SOBP: variants seen among roughly 807,000 people sequenced by gnomAD.
SOBP encodes the protein sine oculis binding protein homolog.
A neutral mutation model predicts 53.6 loss-of-function variants in SOBP; 4 were observed. The ratio of observed to expected loss-of-function variants is 0.07; its 90% CI spans 0.04 to 0.17. SOBP has a LOEUF of 0.17. Among genes scored for constraint, SOBP ranks in the 10% least tolerant of loss-of-function variants. SOBP has a pLI of 1.00. For missense variants in SOBP, 1,088 were observed against 1,204.7 expected (o/e 0.90, Z 1.43); for synonymous variants, 584 against 522.6 (o/e 1.12, Z -1.60).
chr6:107,508,879 A>T (rs1783077269), intron 3 of SOBP, among the ~76,000 whole-genome samples: 1 of 152,194 alleles, frequency 6.6e-6, no homozygotes, highest in Non-Finnish European at 1.5e-5. Flanking sequence ...CCAGTGGCTT[A>T]GGGGAGGGGA....
chr6:107,507,289 GA>G (rs533636722), intron 3 of SOBP, among the ~76,000 whole-genome samples: 22 of 151,942 alleles, frequency 1.4e-4, no homozygotes, highest in Non-Finnish European at 2.8e-4. Flanking sequence ...AACATCATGA[GA>G]TTTTTTTTGA....
rs1562117608 is a variant in SOBP, at chr6:107,634,853, G to A, written c.2009G>A (p.Arg670His). The change falls in exon 6 of 7, where the codon CGC becomes CAC. Residue 670 changes from arginine (R) to histidine (H), a missense_variant. Arg to His is a conservative substitution (Grantham distance 29). Transcript: ENST00000317357. The surrounding 1 kb of genome is among the most constrained non-coding windows in gnomAD (Gnocchi z 4.5). ...HRARLHNVIH[R>H]ALHAHVKAER... ...GCCCGGCTGCACAACGTGATCCACC[G>A]CGCGCTGCACGCGCACGTCAAGGCG... The A allele has an allele frequency of 1.4e-6, 2 of 1,394,082 alleles. No homozygotes were observed. The highest frequency in any genetic ancestry group is 9.4e-7 in the Non-Finnish European group (1 of 1,069,276). The allele number at this position is 1,394,082 out of a possible 1,614,324, so 86.4% of individuals were successfully genotyped here. A position where few individuals can be genotyped will look rare whatever the true frequency, so the allele number is the denominator to read the frequency against.
At chr6:107,595,610 C>G (rs1785921929) in intron 5 of SOBP, among the ~76,000 whole-genome samples, 1 of 152,032 alleles carries the variant, frequency 6.6e-6, no homozygotes, top group Non-Finnish European at 1.5e-5. Context: ...CAAGCAAAAC[C>G]AGGAAATCAG....
rs1023674324 is a variant in SOBP at position 107,634,050 on chromosome 6, G to T, written c.1206G>T (p.Gln402His). The T allele has an allele frequency of 1.1e-5, 18 of 1,607,652 alleles. No individual in the cohort carries two copies. Among genetic ancestry groups the T allele is most frequent in the Non-Finnish European group, 1.5e-5 (18 of 1,176,578 alleles). ...PVPLPIFMEQ[Q>H]IMQQIRPPFI... ...CGCTGCCCATCTTCATGGAGCAGCA[G>T]ATCATGCAGCAGATCCGCCCGCCCT... The change falls in exon 6 of 7, where the codon CAG (glutamine) becomes CAT (histidine). Residue 402 changes from glutamine (Q) to histidine (H), a missense_variant. Around this residue, in one of 6 missense-constraint regions of SOBP, gnomAD observed 211 missense variants for 258.9 expected, o/e 0.82. Coordinates refer to ENST00000317357, the MANE Select transcript of SOBP (RefSeq NM_018013.4). This position sits in a 1 kb window ranked among gnomAD's most constrained non-coding sequence, Gnocchi z 4.5.
At chr6:107,543,313 G>T (rs757166659) in intron 4 of SOBP, among the ~76,000 whole-genome samples, 1 of 152,178 alleles carries the variant, frequency 6.6e-6, no homozygotes, top group Non-Finnish European at 1.5e-5. Flanking sequence ...TGGGACAGCT[G>T]CTAGCAGCAA....
chr6:107,500,037 T>C (rs1224184276), intron 1 of SOBP, among the ~76,000 whole-genome samples: 1 of 152,226 alleles, frequency 6.6e-6, no homozygotes, highest in Admixed American at 6.5e-5. Flanking sequence ...GTTGGAATTC[T>C]CTGCTAGAAA....
At chr6:107,619,669 C>T (rs1394287368) in intron 5 of SOBP, among the ~76,000 whole-genome samples, 1 of 152,118 alleles carries the variant, frequency 6.6e-6, no homozygotes, top group Admixed American at 6.5e-5. Flanking sequence ...TATTTCCTTT[C>T]TATGGAGACC....
chr6:107,535,632 TGTGTG>T (rs1464533920), intron 4 of SOBP, among the ~76,000 whole-genome samples: 34 of 148,490 alleles, frequency 2.3e-4, no homozygotes, highest in African/African-American at 6.2e-4. Flanking sequence ...TGTGTGTGTG[TGTGTG>T]TTTTTTTTTT....
In SOBP at chr6:107,659,565, C is replaced by T. The variant is rs1431635344; in HGVS notation, c.*1362C>T. The T allele has an allele frequency of 6.6e-6, 1 of 151,944 alleles. No individual in the cohort carries two copies. Among genetic ancestry groups the T allele is most frequent in the East Asian group, 1.9e-4 (1 of 5,160 alleles). The allele number at this position is 151,944 out of a possible 1,614,324, so 9.4% of individuals were successfully genotyped here. On this transcript the variant is annotated 3_prime_UTR_variant, in exon 7 of 7. Transcript: ENST00000317357. ...AAAAAAATCAAATCACCTTGTGATT[C>T]AGTGTATCTGTTTACTAACTCAAAT...
At chr6:107,498,598 T>C (rs2114937477) in intron 1 of SOBP, among the ~76,000 whole-genome samples, 1 of 152,052 alleles carries the variant, frequency 6.6e-6, no homozygotes, top group South Asian at 2.1e-4. Context: ...AAAAAAAAAA[T>C]CATGTAGGTT....
intron 1 of SOBP, among the ~76,000 whole-genome samples, chr6:107,498,912 A>C (rs1401206362): frequency 5.9e-5 from 9 of 152,210 alleles, no homozygotes; most frequent in Non-Finnish European, 1.2e-4. Context: ...ATGTAGTAGA[A>C]GTACAAAGCA....
intron 5 of SOBP, among the ~76,000 whole-genome samples, chr6:107,613,151 G>A (rs1252689170): frequency 6.6e-6 from 1 of 152,192 alleles, no homozygotes; most frequent in Non-Finnish European, 1.5e-5. Context: ...GAGACCAAGT[G>A]CTGTTTTTAA....
chr6:107,578,112 G>A (rs979923439), intron 4 of SOBP, among the ~76,000 whole-genome samples: 1 of 149,038 alleles, frequency 6.7e-6, no homozygotes, highest in African/African-American at 2.5e-5. Flanking sequence ...GTTCGTTTAA[G>A]TGTTGAAGAT....
rs1772232830 is a variant in SOBP at position 107,660,071 on chromosome 6, A to T, written c.*1868A>T. The T allele has an allele frequency of 6.6e-6, 1 of 152,610 alleles. No individual in the cohort carries two copies. The highest frequency in any genetic ancestry group is 2.4e-5 in the African/African-American group (1 of 41,440). 9.5% of individuals were successfully genotyped at this position (152,610 alleles called of 1,614,324 possible). ...GGGCCATATTTTTCTGCTGGGTCACAACATTCTCCTCTCCCTGACTGGTGT... is the reference window on the plus strand; with the variant it reads ...GGGCCATATTTTTCTGCTGGGTCACTACATTCTCCTCTCCCTGACTGGTGT... On this transcript the variant is annotated 3_prime_UTR_variant, in exon 7 of 7. Transcript: ENST00000317357.
chr6:107,589,953 C>T (rs535544868), intron 5 of SOBP, among the ~76,000 whole-genome samples: 1 of 152,268 alleles, frequency 6.6e-6, no homozygotes, highest in African/African-American at 2.4e-5. Context: ...ATCATGTTAA[C>T]AGTGTAGCAG....
intron 5 of SOBP, among the ~76,000 whole-genome samples, chr6:107,588,176 C>G (rs1785625512): frequency 6.6e-6 from 1 of 152,150 alleles, no homozygotes; most frequent in Admixed American, 6.5e-5. Context: ...TTAGGAAATC[C>G]CACATGTAAC....
rs1309292020 is a variant in SOBP, at chr6:107,490,488, CCCGCCAGCACCGCTACCT to C, written c.-120_-103del. The C allele has an allele frequency of 1.4e-6, 1 of 698,798 alleles. No homozygotes were observed. The highest frequency in any genetic ancestry group is 2.5e-6 in the Non-Finnish European group (1 of 396,392). The allele number at this position is 698,798 out of a possible 1,614,324, so 43.3% of individuals were successfully genotyped here. A position where few individuals can be genotyped will look rare whatever the true frequency, so the allele number is the denominator to read the frequency against. On this transcript the variant is annotated 5_prime_UTR_variant, in exon 1 of 7. Coordinates refer to ENST00000317357, the MANE Select transcript of SOBP (RefSeq NM_018013.4). ...CCTCCCCCTCGCGGCTCGGTCCGGC[CCCGCCAGCACCGCTACCT>C]CCGCCAGCCTCGCCACCATCAGCAC...
chr6:107,571,680 G>A (rs574946446), intron 4 of SOBP, among the ~76,000 whole-genome samples: 4 of 152,296 alleles, frequency 2.6e-5, no homozygotes, highest in African/African-American at 4.8e-5. Flanking sequence ...CGTTTCTACC[G>A]GGGTCTCCGT....
rs369733803 is a variant in SOBP, at chr6:107,524,108, C to G, written c.422-9351C>G. On this transcript the variant is annotated intron_variant, in intron 3 of 6. Coordinates refer to ENST00000317357, the MANE Select transcript of SOBP (RefSeq NM_018013.4). ...AGATGATGGAAATGCTTTTCTTGTT[C>G]TGAGGTCCTGTATAAAGCAGCTTGA... Among the ~76,000 whole-genome samples the G allele has an allele frequency of 3.9e-5, 6 of 152,338 alleles. No individual in the cohort carries two copies. In the East Asian group the frequency reaches 9.6e-4, roughly 24 times the overall value.
Sources: allele counts gnomAD v4.1 joint callset (sites outside exome capture counted in the v4.1 genomes callset), GRCh38; gene constraint gnomAD v4.1.1; regional missense constraint gnomAD v4.1.1; non-coding constraint Gnocchi (gnomAD v3.1); transcripts MANE v1.5; gene names NCBI Gene and HGNC (gene_info 2026-07-23, HGNC 2026-07-21).